OPCML: variants seen among roughly 807,000 people sequenced by gnomAD.
OPCML encodes opioid-binding protein/cell adhesion molecule.
Under a neutral mutation model 37.8 loss-of-function variants are expected in OPCML, and 13 were observed. The observed-to-expected ratio is 0.34, with a 90% CI of 0.22 to 0.55. The LOEUF is 0.55. Ranked by LOEUF, OPCML falls within the 20% of genes least tolerant of loss-of-function variation. The pLI is 0.91. For synonymous variants in OPCML, 176 were observed against 168.8 expected (o/e 1.04, Z -0.33); for missense variants, 341 against 435.6 (o/e 0.78, Z 1.93).
At chr11:133,264,490 C>T (rs1344167295) in intron 1 of OPCML, among the ~76,000 whole-genome samples, 4 of 152,322 alleles carry the variant, frequency 2.6e-5, no homozygotes, top group East Asian at 1.9e-4. Context: ...CCAGCACAGA[C>T]ATGTGAACTC....
At chr11:132,981,568 T>G (rs1243154262) in intron 1 of OPCML, among the ~76,000 whole-genome samples, 1 of 152,164 alleles carries the variant, frequency 6.6e-6, no homozygotes, top group Non-Finnish European at 1.5e-5. Flanking sequence ...ACATTAGCAG[T>G]TGACTATTGG....
At chr11:132,585,429 A>G (rs2096470585) in intron 3 of OPCML, among the ~76,000 whole-genome samples, 6 of 151,510 alleles carry the variant, frequency 4.0e-5, no homozygotes, top group Admixed American at 3.9e-4. Context: ...CTCTTTTGGG[A>G]TTTATCTGCT....
chr11:133,515,780 AT>A (rs1361529410), intron 1 of OPCML, among the ~76,000 whole-genome samples: 7 of 151,846 alleles, frequency 4.6e-5, no homozygotes, highest in African/African-American at 1.7e-4. Context: ...AAAATGTTTA[AT>A]TTCCTCAAGG....
Position 133,353,685 on chromosome 11 carries a change from C to T in OPCML, c.61+178579G>A, listed in dbSNP as rs971784817. Among the ~76,000 whole-genome samples, 14 of 152,224 alleles carry T rather than the reference C, an allele frequency of 9.2e-5. No homozygotes were observed. The East Asian group carries it at 2.7e-3, about 29-fold the overall frequency. ...TCTAACTGGTAAGATCCTCACTTGG[C>T]AGGCAGGAGCCTGCTCTCTACTTCC... On this transcript the variant is annotated intron_variant, in intron 1 of 7. Coordinates refer to ENST00000524381, the MANE Select transcript of OPCML (RefSeq NM_001012393.5).
intron 2 of OPCML, among the ~76,000 whole-genome samples, chr11:132,820,849 G>C (rs118030154): frequency 0.016 from 2,484 of 152,162 alleles, 27 homozygotes; most frequent in Middle Eastern, 0.031. Context: ...TTCTTTCCCC[G>C]CACCTCCTCC....
intron 2 of OPCML, among the ~76,000 whole-genome samples, chr11:132,840,550 C>G (rs1053636756): frequency 2.0e-5 from 3 of 152,146 alleles, no homozygotes; most frequent in Non-Finnish European, 4.4e-5. Flanking sequence ...AATCAGTCCT[C>G]TGCTACTGAT....
Position 133,459,680 on chromosome 11 carries a change from C to G in OPCML, c.61+72584G>C, listed in dbSNP as rs143652227. On this transcript the variant is annotated intron_variant, in intron 1 of 7. Transcript: ENST00000524381. ...GATAAAAGGGTTAATTTGCCAACAACTATAAGCATATATGCATCAAACATC... is the reference window on the plus strand; with the variant it reads ...GATAAAAGGGTTAATTTGCCAACAAGTATAAGCATATATGCATCAAACATC... Among the ~76,000 whole-genome samples, 613 of 152,096 alleles carry G rather than the reference C, an allele frequency of 4.0e-3. 4 individuals carry two copies. Among genetic ancestry groups the G allele is most frequent in the African/African-American group, 0.014 (584 of 41,542 alleles).
intron 1 of OPCML, among the ~76,000 whole-genome samples, chr11:133,102,532 A>G (rs1949098322): frequency 6.6e-6 from 1 of 152,128 alleles, no homozygotes; most frequent in African/African-American, 2.4e-5. Context: ...GTGGATCACG[A>G]GGTCAGGAGA....
intron 7 of OPCML, among the ~76,000 whole-genome samples, chr11:132,430,751 T>TC (rs2095993944): frequency 6.6e-6 from 1 of 152,102 alleles, no homozygotes; most frequent in African/African-American, 2.4e-5. Flanking sequence ...CTCTGCAGTC[T>TC]CCCCCCTCCG....
intron 7 of OPCML, among the ~76,000 whole-genome samples, chr11:132,430,772 G>C (rs957125906): frequency 1.3e-5 from 2 of 152,154 alleles, no homozygotes; most frequent in Non-Finnish European, 1.5e-5. Context: ...TCTTGGCTTT[G>C]TTTGCGTTCT....
chr11:132,523,672 C>T (rs1340589313), intron 4 of OPCML, among the ~76,000 whole-genome samples: 1 of 152,152 alleles, frequency 6.6e-6, no homozygotes, highest in Non-Finnish European at 1.5e-5. Context: ...GGGTCATATT[C>T]CTAGTTATCC....
chr11:133,193,460 G>A (rs1271909081), intron 1 of OPCML, among the ~76,000 whole-genome samples: 1 of 152,178 alleles, frequency 6.6e-6, no homozygotes, highest in Non-Finnish European at 1.5e-5. Context: ...TTGGAAACAA[G>A]CCAGAAATGA....
intron 2 of OPCML, among the ~76,000 whole-genome samples, chr11:132,919,509 T>C (rs1214792912): frequency 6.6e-6 from 1 of 152,164 alleles, no homozygotes; most frequent in Admixed American, 6.5e-5. Context: ...GGGTCCAATG[T>C]TAGAGCTGAG....
intron 1 of OPCML, among the ~76,000 whole-genome samples, chr11:133,441,376 G>A (rs1946362583): frequency 6.6e-6 from 1 of 152,084 alleles, no homozygotes; most frequent in African/African-American, 2.4e-5. Context: ...AACCGAATTT[G>A]AGAATTAAGA....
chr11:132,955,648 T>A (rs1945961980), intron 1 of OPCML, among the ~76,000 whole-genome samples: 1 of 149,792 alleles, frequency 6.7e-6, no homozygotes, highest in Non-Finnish European at 1.5e-5. Flanking sequence ...CTTTGGGAGG[T>A]TGAGGCAGGC....
chr11:133,490,940 C>T (rs1947641064), intron 1 of OPCML, among the ~76,000 whole-genome samples: 2 of 152,194 alleles, frequency 1.3e-5, no homozygotes, highest in Non-Finnish European at 1.5e-5. Context: ...TCTCTTCTCA[C>T]TAGAATGGAA....
chr11:132,745,723 T>G (rs1042044929), intron 2 of OPCML, among the ~76,000 whole-genome samples: 1 of 152,046 alleles, frequency 6.6e-6, no homozygotes, highest in African/African-American at 2.4e-5. Flanking sequence ...TCACGTTGAA[T>G]GTGTGAGCGC....
At chr11:132,783,795 C>A (rs114407027) in intron 2 of OPCML, among the ~76,000 whole-genome samples, 195 of 152,272 alleles carry the variant, frequency 1.3e-3, no homozygotes, top group African/African-American at 4.5e-3. Flanking sequence ...CAACCTTACC[C>A]TAGACCTCGT....
chr11:133,189,460 T>A (rs1415233137), intron 1 of OPCML, among the ~76,000 whole-genome samples: 1 of 152,194 alleles, frequency 6.6e-6, no homozygotes, highest in Non-Finnish European at 1.5e-5. Flanking sequence ...AGTGGACTCT[T>A]AATTAGGAAG....
Sources: gnomAD v4.1 joint callset for allele counts (sites outside exome capture counted in the v4.1 genomes callset) on GRCh38, gnomAD v4.1.1 for gene constraint, MANE v1.5 for transcripts, NCBI Gene and HGNC (gene_info 2026-07-23, HGNC 2026-07-21) for gene names.